Variants in RAPGEF1 observed in about 807,000 individuals in gnomAD.
RAPGEF1 encodes CRK SH3-binding GNRP.
RAPGEF1 carries 33 observed loss-of-function variants against 143.3 expected under a neutral mutation model. That is an observed-to-expected ratio of 0.23 (90% CI 0.17 to 0.31). The LOEUF (loss-of-function observed/expected upper bound fraction) is 0.31, where lower values mean the gene tolerates loss of function less well. RAPGEF1 is among the 10% of genes least tolerant of loss of function. The pLI is 1.00. For missense variants in RAPGEF1, 1,199 were observed against 1,645.4 expected (o/e 0.73, Z 4.69); for synonymous variants, 629 against 676.5 (o/e 0.93, Z 1.09).
rs908670952 is a variant in RAPGEF1 at position 131,730,901 on chromosome 9, G to A, written c.61+8869C>T. On this transcript the variant is annotated intron_variant, in intron 1 of 26. Transcript: ENST00000683357. Reference sequence around the variant, plus strand: ...GTCAGGAGGAGAGCTGTCTTCTGAAGGAATCCTCAGGATGATGGGGTGTCC... The same window carrying A: ...GTCAGGAGGAGAGCTGTCTTCTGAAAGAATCCTCAGGATGATGGGGTGTCC... 2.0e-5 allele frequency among the ~76,000 whole-genome samples: 3 copies of A among 152,124 alleles called. No homozygotes were observed. In the East Asian group the frequency reaches 5.8e-4, roughly 29 times the overall value.
rs1465315784 is a variant in RAPGEF1 at position 131,583,929 on chromosome 9, C to A, written c.3414+382G>T. ...TTAGTGCTTATCTAGCAGAAACTCA[C>A]CCAACATCATGTTGGGCTGTTCACA... On this transcript the variant is annotated intron_variant, in intron 24 of 26. Transcript: ENST00000683357. The surrounding 1 kb of genome is among the most constrained non-coding windows in gnomAD (Gnocchi z 4.7). 2.0e-5 allele frequency among the ~76,000 whole-genome samples: 3 copies of A among 152,260 alleles called. No homozygotes were observed. Among genetic ancestry groups the A allele is most frequent in the African/African-American group, 7.2e-5 (3 of 41,468 alleles).
intron 1 of RAPGEF1, among the ~76,000 whole-genome samples, chr9:131,735,971 C>A (rs2131363196): frequency 6.6e-6 from 1 of 152,344 alleles, no homozygotes; most frequent in East Asian, 1.9e-4. Flanking sequence ...CAGCCCGCAG[C>A]TGCCAGTCTG....
chr9:131,735,727 A>G (rs1214004730), intron 1 of RAPGEF1, among the ~76,000 whole-genome samples: 1 of 152,092 alleles, frequency 6.6e-6, no homozygotes, highest in African/African-American at 2.4e-5. Context: ...TGGCTGTGGG[A>G]GTGGTGAGGG....
rs775459875 is a variant in RAPGEF1 at position 131,596,328 on chromosome 9, G to A, written c.2659C>T (p.Leu887=). ...DVRGGSGDIL[L]VHATETDRKD... is the part of the protein sequence containing the mutation. ...CTGTCAGTCTCAGTAGCATGGACCA[G>A]TAAGATGTCCCCAGATCCTCCGCGG... is the stretch of plus-strand genomic sequence containing the variant. Residue 887 remains leucine (L), a synonymous_variant, in exon 17 of 27, where the codon CTG becomes TTG. Coordinates refer to ENST00000683357, the MANE Select transcript of RAPGEF1 (RefSeq NM_001377935.1). 1 of 1,614,000 alleles carries A rather than the reference G, an allele frequency of 6.2e-7. No homozygotes were observed. Among genetic ancestry groups the A allele is most frequent in the Admixed American group, 1.7e-5 (1 of 60,022 alleles).
intron 1 of RAPGEF1, among the ~76,000 whole-genome samples, chr9:131,726,613 G>A (rs1245689140): frequency 1.3e-5 from 1 of 78,580 alleles, no homozygotes; most frequent in East Asian, 3.3e-4. Context: ...GGGACAGAGC[G>A]AGACTCTGTC....
At chr9:131,664,469 A>G (rs995034621) in intron 1 of RAPGEF1, among the ~76,000 whole-genome samples, 9 of 152,206 alleles carry the variant, frequency 5.9e-5, no homozygotes, top group African/African-American at 1.7e-4. Flanking sequence ...TTTTTAAATC[A>G]TAAGTTAATA....
intron 1 of RAPGEF1, among the ~76,000 whole-genome samples, chr9:131,726,432 T>A (rs1034413354): frequency 6.6e-6 from 1 of 151,940 alleles, no homozygotes; most frequent in Non-Finnish European, 1.5e-5. Context: ...TTCGAGACCA[T>A]CCTGGCCAAT....
At chr9:131,736,286 A>G (rs1435511882) in intron 1 of RAPGEF1, among the ~76,000 whole-genome samples, 1 of 152,078 alleles carries the variant, frequency 6.6e-6, no homozygotes, top group Non-Finnish European at 1.5e-5. Flanking sequence ...GAAGCACTGT[A>G]GAGTTTAGAA....
chr9:131,677,899 A>C (rs1167482783), intron 1 of RAPGEF1, among the ~76,000 whole-genome samples: 1 of 152,248 alleles, frequency 6.6e-6, no homozygotes, highest in East Asian at 1.9e-4. Context: ...AATTCTCCTA[A>C]GTCAAAACTA....
chr9:131,628,637 G>A lies in RAPGEF1; in HGVS notation c.929C>T (p.Ser310Leu), dbSNP rs1422316325. ...PPALPPKKRQ[S>L]APSPTRVAVV... ...AGCCACTCGGGTAGGGGACGGCGCC[G>A]ACTGTCTTTTCTTGGGTGGCAATGC... The change falls in exon 8 of 27, where the codon TCG (serine) becomes TTG (leucine). Residue 310 changes from serine (S) to leucine (L), a missense_variant. Coordinates refer to ENST00000683357, the MANE Select transcript of RAPGEF1 (RefSeq NM_001377935.1). This position sits in a 1 kb window ranked among gnomAD's most constrained non-coding sequence, Gnocchi z 5.7. 5 of 1,610,200 alleles carry A rather than the reference G, an allele frequency of 3.1e-6. No individual in the cohort carries two copies. In the South Asian group the frequency reaches 3.3e-5, roughly 11 times the overall value.
At chr9:131,669,375 A>G (rs528378340) in intron 1 of RAPGEF1, among the ~76,000 whole-genome samples, 2 of 152,270 alleles carry the variant, frequency 1.3e-5, no homozygotes, top group Non-Finnish European at 2.9e-5. Context: ...AAGGGACAGG[A>G]GTCACCTCAA....
intron 1 of RAPGEF1, among the ~76,000 whole-genome samples, chr9:131,683,901 G>A (rs1833118625): frequency 6.6e-6 from 1 of 152,224 alleles, no homozygotes; most frequent in Non-Finnish European, 1.5e-5. Context: ...ACTGCAAACA[G>A]CAGTTAGAAG....
At chr9:131,646,996 T>C (rs1969828896) in intron 3 of RAPGEF1, among the ~76,000 whole-genome samples, 1 of 152,122 alleles carries the variant, frequency 6.6e-6, no homozygotes. Context: ...GGATCCAATC[T>C]CTGTCCAAAT....
intron 1 of RAPGEF1, among the ~76,000 whole-genome samples, chr9:131,721,342 C>T (rs945798575): frequency 2.6e-5 from 4 of 152,168 alleles, no homozygotes; most frequent in Non-Finnish European, 4.4e-5. Flanking sequence ...ATCTGTCACG[C>T]GCTCTGTCAG....
rs532715154 is a variant in RAPGEF1 at position 131,603,215 on chromosome 9, G to A, written c.2412+746C>T. ...CCAAGCTCTTCACGGGTGGGGGCCC[G>A]CCCTGGGGTGGATCACTGGGAGTCT... On this transcript the variant is annotated intron_variant, in intron 14 of 26. Transcript: ENST00000683357. Among the ~76,000 whole-genome samples the A allele has an allele frequency of 3.3e-5, 5 of 152,372 alleles. No homozygotes were observed. The South Asian group carries it at 6.2e-4, about 19-fold the overall frequency.
At chr9:131,703,173 A>T (rs552956304) in intron 1 of RAPGEF1, among the ~76,000 whole-genome samples, 6 of 152,202 alleles carry the variant, frequency 3.9e-5, no homozygotes, top group South Asian at 2.1e-4. Context: ...TTTATTTTTT[A>T]AAATTTTTTG....
chr9:131,592,542 G>A (rs909338378), intron 17 of RAPGEF1, among the ~76,000 whole-genome samples: 2 of 152,146 alleles, frequency 1.3e-5, no homozygotes, highest in Non-Finnish European at 2.9e-5. Flanking sequence ...GCTGACGAGT[G>A]ACGCCTGCCC....
chr9:131,601,171 CAAAAAAAAAAA>C (rs11305443), intron 15 of RAPGEF1, among the ~76,000 whole-genome samples: 1 of 79,420 alleles, frequency 1.3e-5, no homozygotes, highest in Non-Finnish European at 2.3e-5. Flanking sequence ...GACTCCGTCT[CAAAAAAAAAAA>C]AAAAAAAAAA....
intron 12 of RAPGEF1, among the ~76,000 whole-genome samples, chr9:131,618,250 G>A (rs1588489716): frequency 6.6e-6 from 1 of 152,334 alleles, no homozygotes; most frequent in East Asian, 1.9e-4. Flanking sequence ...AACAAGCCCA[G>A]GCCAGCCTGA....
Sources: allele counts gnomAD v4.1 joint callset (sites outside exome capture counted in the v4.1 genomes callset), GRCh38; gene constraint gnomAD v4.1.1; non-coding constraint Gnocchi (gnomAD v3.1); transcripts MANE v1.5; gene names NCBI Gene and HGNC (gene_info 2026-07-23, HGNC 2026-07-21).